The following SLC2A5 variants were observed in gnomAD, a reference collection of about 807,000 sequenced individuals.
The protein encoded by SLC2A5 is solute carrier family 2 member 5, also known as solute carrier family 2, facilitated glucose transporter member 5.
A neutral mutation model predicts 50.3 loss-of-function variants in SLC2A5; 56 were observed. That is an observed-to-expected ratio of 1.11 (90% CI 0.90 to 1.39). The LOEUF (loss-of-function observed/expected upper bound fraction) is 1.39. SLC2A5 is among the 40% of genes most tolerant of loss of function. SLC2A5 has a pLI of 0.00. For missense variants in SLC2A5, 566 were observed against 650.1 expected, an observed-to-expected ratio of 0.87 and a Z score of 1.41; for synonymous variants, 269 against 281.9, an observed-to-expected ratio of 0.95 and a Z score of 0.46.
In SLC2A5 at chr1:9,037,118, A is replaced by T. The variant is rs1557659066; in HGVS notation, c.*468T>A. ...CACCTTCCTAGACAGGTATTTCTGG[A>T]AAAGGATCTGGTAAGAGGATGAATT... On this transcript the variant is annotated 3_prime_UTR_variant, in exon 12 of 12. Coordinates refer to ENST00000377424, the MANE Select transcript of SLC2A5 (RefSeq NM_003039.3). 1 of 173,788 alleles carries T rather than the reference A, an allele frequency of 5.8e-6. No homozygotes were observed. The highest frequency in any genetic ancestry group is 1.2e-5 in the Non-Finnish European group (1 of 81,202). 10.8% of individuals were successfully genotyped at this position (173,788 alleles called of 1,614,324 possible).
intron 2 of SLC2A5, among the ~76,000 whole-genome samples, chr1:9,077,441 A>AC (rs1193373817): frequency 6.9e-6 from 1 of 144,196 alleles, no homozygotes; most frequent in African/African-American, 2.6e-5. Context: ...AAAAAACAAA[A>AC]AAAAAACCCC....
At chr1:9,090,095 C>G (rs1193745265), upstream of SLC2A5, among the ~76,000 whole-genome samples, 2 of 152,158 alleles carry the variant, frequency 1.3e-5, no homozygotes, top group Non-Finnish European at 2.9e-5. Flanking sequence ...GTCACCCTCA[C>G]TCTTTTTTGG....
At chr1:9,041,407 G>A (rs570742744) in intron 5 of SLC2A5, 64 of 1,097,028 alleles carry the variant, frequency 5.8e-5, no homozygotes, top group East Asian at 1.3e-4. Flanking sequence ...AGGCAGCAGC[G>A]TTGCTGGGAG....
intron 1 of SLC2A5, among the ~76,000 whole-genome samples, chr1:9,060,642 CCACACACCCCCCA>C (rs1641914260): frequency 8.2e-6 from 1 of 121,366 alleles, no homozygotes; most frequent in Non-Finnish European, 1.8e-5. Context: ...CACATACAGC[CCACACACCCCCCA>C]CACACACACA....
chr1:9,066,339 G>C (rs1011235840), intron 1 of SLC2A5, among the ~76,000 whole-genome samples: 16 of 152,044 alleles, frequency 1.1e-4, no homozygotes, highest in African/African-American at 3.9e-4. Context: ...AGGCTCAGGC[G>C]ATCCTCCCAC....
chr1:9,085,540 T>G (rs186880642), intron 1 of SLC2A5, among the ~76,000 whole-genome samples: 1 of 152,352 alleles, frequency 6.6e-6, no homozygotes, highest in Non-Finnish European at 1.5e-5. Context: ...TCAGAGAGAA[T>G]AAGTTGCAAA....
upstream of SLC2A5, among the ~76,000 whole-genome samples, chr1:9,089,312 C>T (rs1009024167): frequency 6.6e-6 from 1 of 152,186 alleles, no homozygotes; most frequent in Non-Finnish European, 1.5e-5. Context: ...AAATCCTACC[C>T]TTTTCTTATC....
chr1:9,038,096 C>T, intron 10 of SLC2A5, 72 bp from the exon 11 acceptor site: 1 of 1,558,262 alleles, frequency 6.4e-7, no homozygotes. Flanking sequence ...CCATGCAGAC[C>T]CACCAGGTAG....
chr1:9,039,481 G>A, intron 8 of SLC2A5, 71 bp downstream of exon 8: 3 of 1,158,204 alleles, frequency 2.6e-6, no homozygotes, highest in Non-Finnish European at 2.4e-6. Flanking sequence ...CCCTTTTGGC[G>A]GCGCCGAGGC....
upstream of SLC2A5, among the ~76,000 whole-genome samples, chr1:9,089,427 T>C (rs1486144378): frequency 6.6e-6 from 1 of 152,118 alleles, no homozygotes; most frequent in Non-Finnish European, 1.5e-5. Context: ...GCCCCAGATA[T>C]CTAGAAAAAA....
At chr1:9,060,134 C>CACTACAT (rs1641884108) in intron 1 of SLC2A5, among the ~76,000 whole-genome samples, 1 of 94,684 alleles carries the variant, frequency 1.1e-5, no homozygotes, top group African/African-American at 3.3e-5. Flanking sequence ...ACACACAACA[C>CACTACAT]ACACACTACA....
chr1:9,057,698 C>T, intron 2 of SLC2A5, 90 bp from the exon 3 acceptor site: 1 of 1,170,390 alleles, frequency 8.5e-7, no homozygotes, highest in Non-Finnish European at 1.2e-6. Flanking sequence ...ATGAAATAAC[C>T]TGGGCACACA....
Position 9,039,957 on chromosome 1 carries a change from A to C in SLC2A5, c.728T>G (p.Val243Gly), listed in dbSNP as rs1371399426. 6.2e-7 allele frequency: 1 copy of C among 1,612,524 alleles called. No individual in the cohort carries two copies. Among genetic ancestry groups the C allele is most frequent in the East Asian group, 2.2e-5 (1 of 44,832 alleles). ...ALQTLRGWDS[V>G]DREVAEIRQE... ...CCGGATCTCGGCCACCTCCCTGTCC[A>C]CAGAGTCCCAGCCGCGCAGCGTCTG... Residue 243 changes from valine to glycine, a missense_variant, in exon 7 of 12, where the codon GTG becomes GGG. By Grantham distance (109) the Val-to-Gly change is moderately radical. Coordinates refer to ENST00000377424, the MANE Select transcript of SLC2A5 (RefSeq NM_003039.3).
At chr1:9,057,975 C>T (rs562379914) in intron 2 of SLC2A5, among the ~76,000 whole-genome samples, 177 bp downstream of exon 2, 37 of 152,354 alleles carry the variant, frequency 2.4e-4, no homozygotes, top group Admixed American at 1.1e-3. Context: ...AGACCTGGCC[C>T]ATCCCAAGAG....
At chr1:9,091,344 C>A (rs1642460332), upstream of SLC2A5, among the ~76,000 whole-genome samples, 1 of 152,180 alleles carries the variant, frequency 6.6e-6, no homozygotes, top group Admixed American at 6.5e-5. Flanking sequence ...TAGCCCAACC[C>A]ATGGGAAACT....
intron 3 of SLC2A5, among the ~76,000 whole-genome samples, chr1:9,053,535 AATATATATTATATATTT>A (rs1291025412): frequency 4.7e-5 from 4 of 85,486 alleles, no homozygotes; most frequent in African/African-American, 7.8e-5. Context: ...TTTATATATT[AATATATATTATATATTT>A]ATATATATTA....
At chr1:9,093,429 A>G (rs1186916375), upstream of SLC2A5, among the ~76,000 whole-genome samples, 1 of 152,176 alleles carries the variant, frequency 6.6e-6, no homozygotes, top group Non-Finnish European at 1.5e-5. Flanking sequence ...TCCTGGAGGA[A>G]AAGGAGGAGG....
In SLC2A5 at chr1:9,041,976, T is replaced by C. The variant is rs181832985; in HGVS notation, c.419-39A>G. 7.2e-6 allele frequency: 11 copies of C among 1,533,796 alleles called. No homozygotes were observed. The African/African-American group carries it at 1.1e-4, about 15-fold the overall frequency. On this transcript the variant is annotated intron_variant, in intron 4 of 11. Coordinates refer to ENST00000377424, the MANE Select transcript of SLC2A5 (RefSeq NM_003039.3). Reference sequence around the variant, plus strand: ...AAATAGAAACACCATCAGAAAAAATTAGTCTGGCAGGGACAAGCTGTCTTC... The same window carrying C: ...AAATAGAAACACCATCAGAAAAAATCAGTCTGGCAGGGACAAGCTGTCTTC...
At chr1:9,071,342 G>A (rs1241304721), upstream of SLC2A5, among the ~76,000 whole-genome samples, 2 of 152,142 alleles carry the variant, frequency 1.3e-5, no homozygotes, top group Non-Finnish European at 1.5e-5. Flanking sequence ...CCCGGGAGGC[G>A]GAGGTTGCAG....
Sources: gnomAD v4.1 joint callset for allele counts (sites outside exome capture counted in the v4.1 genomes callset) on GRCh38, gnomAD v4.1.1 for gene constraint, MANE v1.5 for transcripts, NCBI Gene and HGNC (gene_info 2026-07-23, HGNC 2026-07-21) for gene names.